RELN: variants seen among roughly 807,000 people sequenced by gnomAD.
RELN encodes the protein reelin.
Under a neutral mutation model 427.6 loss-of-function variants are expected in RELN, and 108 were observed. The ratio of observed to expected loss-of-function variants is 0.25; its 90% CI spans 0.22 to 0.30. RELN has a LOEUF of 0.30. RELN is among the 10% of genes least tolerant of loss of function. The pLI, the probability that RELN is intolerant of heterozygous loss-of-function variation, is 1.00. For missense variants in RELN, 3,715 were observed against 4,302.8 expected (o/e 0.86, Z 3.82); for synonymous variants, 1,524 against 1,513.4 (o/e 1.01, Z -0.16).
At chr7:103,675,089 G>T (rs1160012541) in intron 11 of RELN, among the ~76,000 whole-genome samples, 1 of 152,180 alleles carries the variant, frequency 6.6e-6, no homozygotes, top group African/African-American at 2.4e-5. Flanking sequence ...AAAAGCTGAA[G>T]TCAAATTGTC....
chr7:103,622,125 T>C (rs1225668616), intron 20 of RELN, among the ~76,000 whole-genome samples: 1 of 152,240 alleles, frequency 6.6e-6, no homozygotes, highest in East Asian at 1.9e-4. Flanking sequence ...TTGCCATTAA[T>C]TTGTTCAGTG....
At chr7:103,529,113 C>A (rs571037974) in intron 46 of RELN, among the ~76,000 whole-genome samples, 2 of 146,256 alleles carry the variant, frequency 1.4e-5, no homozygotes, top group Non-Finnish European at 3.0e-5. Context: ...TCTAGCCTGA[C>A]AACAGAGTGA....
chr7:103,678,700 A>G (rs1202808359), intron 11 of RELN, among the ~76,000 whole-genome samples: 1 of 152,156 alleles, frequency 6.6e-6, no homozygotes, highest in Non-Finnish European at 1.5e-5. Context: ...TTTCTCTGTC[A>G]TGATTCTTAC....
Position 103,490,604 on chromosome 7 carries a change from C to G in RELN, c.9605+64G>C, listed in dbSNP as rs114492390. On this transcript the variant is annotated intron_variant, in intron 59 of 64. Coordinates refer to ENST00000428762, the MANE Select transcript of RELN (RefSeq NM_005045.4). ...CTCACACTGTCAGTTGTTTTCAGCT[C>G]ACTGCATGAACTCTGTAGAGAGGCC... 3,017 of 1,540,590 alleles carry G rather than the reference C, an allele frequency of 2.0e-3. 50 individuals are homozygous for G. The African/African-American group carries it at 0.035, about 18-fold the overall frequency.
At chr7:103,854,189 C>T (rs1384002056) in intron 2 of RELN, among the ~76,000 whole-genome samples, 3 of 152,066 alleles carry the variant, frequency 2.0e-5, no homozygotes, top group Non-Finnish European at 2.9e-5. Context: ...TTGCTTTTAT[C>T]GATTCATCTG....
In RELN at chr7:103,776,644, A is replaced by G. The variant is rs762743150; in HGVS notation, c.474-17T>C. The G allele has an allele frequency of 5.0e-6, 8 of 1,613,276 alleles. No homozygotes were observed. The South Asian group carries it at 7.7e-5, about 16-fold the overall frequency. On this transcript the variant is annotated splice_polypyrimidine_tract_variant and intron_variant, in intron 3 of 64. Coordinates refer to ENST00000428762, the MANE Select transcript of RELN (RefSeq NM_005045.4). ...GCTGTAGCCCTGGAAACAAATAGGA[A>G]AAGGTTAATTCAACTCTTGTAATAT...
intron 10 of RELN, 90 bp downstream of exon 10, chr7:103,697,763 G>A: frequency 6.3e-7 from 1 of 1,575,972 alleles, no homozygotes; most frequent in South Asian, 1.1e-5. Context: ...TGGTAAAATA[G>A]CTATCTTTAT....
chr7:103,798,606 G>A (rs1584248830), intron 3 of RELN, among the ~76,000 whole-genome samples: 1 of 152,080 alleles, frequency 6.6e-6, no homozygotes, highest in African/African-American at 2.4e-5. Flanking sequence ...CATCATTCCT[G>A]AGCACCCATG....
chr7:103,678,157 T>A (rs533408580), intron 11 of RELN, among the ~76,000 whole-genome samples: 1 of 98,810 alleles, frequency 1.0e-5, no homozygotes, highest in South Asian at 3.5e-4. Flanking sequence ...GTAAAACAGA[T>A]TTTTTTAAAA....
At position 103,755,125 on chromosome 7, in the gene RELN, G is replaced by A. The variant is rs183021929; in HGVS notation, c.545-1911C>T. 3.2e-3 allele frequency among the ~76,000 whole-genome samples: 475 copies of A among 149,730 alleles called. 3 individuals are homozygous for A. Among genetic ancestry groups the A allele is most frequent in the African/African-American group, 0.011 (466 of 40,804 alleles). ...GAGATCTTATATGGAGATGAGGACC[G>A]AAGGGATTTTTTTGTTGTTTGTTTT... On this transcript the variant is annotated intron_variant, in intron 4 of 64. Coordinates refer to ENST00000428762, the MANE Select transcript of RELN (RefSeq NM_005045.4).
intron 2 of RELN, among the ~76,000 whole-genome samples, chr7:103,899,674 C>T (rs1267265125): frequency 6.6e-6 from 1 of 152,146 alleles, no homozygotes; most frequent in Non-Finnish European, 1.5e-5. Context: ...CGTAATCCAT[C>T]ACATAAACAG....
intron 11 of RELN, among the ~76,000 whole-genome samples, chr7:103,663,432 T>G (rs1355450493): frequency 6.6e-6 from 1 of 152,150 alleles, no homozygotes; most frequent in Non-Finnish European, 1.5e-5. Context: ...CTGTATCCTG[T>G]CCTCACTTTC....
At chr7:103,540,833 ACT>A (rs1830161599) in intron 43 of RELN, among the ~76,000 whole-genome samples, 1 of 151,864 alleles carries the variant, frequency 6.6e-6, no homozygotes, top group African/African-American at 2.4e-5. Flanking sequence ...AACTCCTTAA[ACT>A]CTGAAACTGA....
At chr7:103,868,525 T>C (rs1364620290) in intron 2 of RELN, among the ~76,000 whole-genome samples, 2 of 152,122 alleles carry the variant, frequency 1.3e-5, no homozygotes, top group African/African-American at 4.8e-5. Context: ...ATTTGTGCCA[T>C]AAGTCTCTCC....
chr7:103,597,769 T>C (rs1242687436), intron 24 of RELN, among the ~76,000 whole-genome samples: 1 of 152,182 alleles, frequency 6.6e-6, no homozygotes, highest in Non-Finnish European at 1.5e-5. Context: ...TCCAAGAACT[T>C]GCTTCCTTTG....
At chr7:103,503,689 T>G (rs1159912591) in intron 51 of RELN, among the ~76,000 whole-genome samples, 6 of 152,172 alleles carry the variant, frequency 3.9e-5, no homozygotes, top group Admixed American at 3.9e-4. Flanking sequence ...TGAAGGTAGT[T>G]TAAACAAGGC....
chr7:103,929,635 A>G (rs1795818141), intron 1 of RELN, among the ~76,000 whole-genome samples: 1 of 152,200 alleles, frequency 6.6e-6, no homozygotes, highest in African/African-American at 2.4e-5. Flanking sequence ...TAGTGCCTGA[A>G]GCAAGCTATC....
chr7:103,797,449 A>G (rs1341906303), intron 3 of RELN, among the ~76,000 whole-genome samples: 1 of 152,130 alleles, frequency 6.6e-6, no homozygotes, highest in Non-Finnish European at 1.5e-5. Context: ...GATTAGAACA[A>G]TGCCAAGATA....
At chr7:103,733,587 A>C (rs572093022) in intron 6 of RELN, among the ~76,000 whole-genome samples, 1,877 of 146,096 alleles carry the variant, frequency 0.013, 60 homozygotes, top group African/African-American at 0.045. Context: ...TGGCACATAT[A>C]CACCATGGAA....
Sources: gnomAD v4.1 joint callset for allele counts (sites outside exome capture counted in the v4.1 genomes callset) on GRCh38, gnomAD v4.1.1 for gene constraint, MANE v1.5 for transcripts, NCBI Gene and HGNC (gene_info 2026-07-23, HGNC 2026-07-21) for gene names.